The following PRKCE variants were observed in gnomAD, a reference collection of about 807,000 sequenced individuals.
PRKCE encodes protein kinase C epsilon type.
Under a neutral mutation model 85.4 loss-of-function variants are expected in PRKCE, and 16 were observed. The ratio of observed to expected loss-of-function variants is 0.19; its 90% confidence interval spans 0.13 to 0.28. The LOEUF (loss-of-function observed/expected upper bound fraction) is 0.28. Among genes scored for constraint, PRKCE ranks in the 10% least tolerant of loss-of-function variants. The pLI is 1.00. For missense variants in PRKCE, 573 were observed against 975.2 expected (o/e 0.59, Z 5.49); for synonymous variants, 388 against 371.5 (o/e 1.04, Z -0.51).
At chr2:45,993,267 C>T (rs537836813) in intron 6 of PRKCE, among the ~76,000 whole-genome samples, 1 of 152,354 alleles carries the variant, frequency 6.6e-6, no homozygotes, top group Middle Eastern at 3.4e-3. Context: ...CCCAGTGACA[C>T]CTGCAGCCTC....
chr2:46,006,608 A>G (rs1350774024), intron 8 of PRKCE, among the ~76,000 whole-genome samples: 1 of 152,244 alleles, frequency 6.6e-6, no homozygotes, highest in East Asian at 1.9e-4. Flanking sequence ...GCATCATTTA[A>G]AATCGGATTT....
intron 2 of PRKCE, among the ~76,000 whole-genome samples, chr2:45,975,512 A>G (rs376110322): frequency 1.3e-5 from 2 of 152,192 alleles, no homozygotes; most frequent in South Asian, 2.1e-4. Flanking sequence ...TAATCCCATC[A>G]TGGAGGCTCA....
At position 45,730,846 on chromosome 2, in the gene PRKCE, A is replaced by G. The variant is rs376890284; in HGVS notation, c.348+78398A>G. Among the ~76,000 whole-genome samples the G allele has an allele frequency of 3.2e-4, 48 of 152,332 alleles. No homozygotes were observed. In the East Asian group the frequency reaches 7.7e-3, roughly 24 times the overall value. On this transcript the variant is annotated intron_variant, in intron 1 of 14. Transcript: ENST00000306156. ...CTCCCAAGGAAATTTCCATTAAAAA[A>G]TTAATTTTGTGTGTCTGCCCGACAG... is the stretch of plus-strand genomic sequence containing the variant.
chr2:46,064,047 C>T (rs1174871854), intron 10 of PRKCE, among the ~76,000 whole-genome samples: 7 of 151,900 alleles, frequency 4.6e-5, no homozygotes, highest in Admixed American at 3.9e-4. Context: ...TTTGGGAGGC[C>T]GAGGTGGGCG....
rs1468019532 is a variant in PRKCE at position 46,004,888 on chromosome 2, TATG to T, written c.1063+254_1063+256del. Among the ~76,000 whole-genome samples the T allele has an allele frequency of 6.6e-6, 1 of 152,066 alleles. No homozygotes were observed. The highest frequency in any genetic ancestry group is 1.5e-5 in the Non-Finnish European group (1 of 68,018). Reference sequence around the variant, plus strand: ...GGCCAGGGTAAGAGGAGAGCGAGTGTATGATGTTATGGTTATCTGTTTTCCCTT... The same window carrying T: ...GGCCAGGGTAAGAGGAGAGCGAGTGTATGTTATGGTTATCTGTTTTCCCTT... On this transcript the variant is annotated intron_variant, in intron 8 of 14. Transcript: ENST00000306156. This position sits in a 1 kb window ranked among gnomAD's most constrained non-coding sequence, Gnocchi z 4.1.
Position 45,893,057 on chromosome 2 carries a change from C to T in PRKCE, c.412+49994C>T, listed in dbSNP as rs1695855418. Among the ~76,000 whole-genome samples the T allele has an allele frequency of 2.0e-5, 3 of 152,190 alleles. No individual in the cohort carries two copies. In the South Asian group the frequency reaches 6.2e-4, roughly 32 times the overall value. On this transcript the variant is annotated intron_variant, in intron 2 of 14. Coordinates refer to ENST00000306156, the MANE Select transcript of PRKCE (RefSeq NM_005400.3). ...AAAGGGGCTCTCCAAGATGGGCTGA[C>T]TGTTTGCGACCCTCACAGAACCCTG...
intron 10 of PRKCE, among the ~76,000 whole-genome samples, chr2:46,038,481 C>T (rs1708013598): frequency 6.6e-6 from 1 of 152,138 alleles, no homozygotes; most frequent in South Asian, 2.1e-4. Flanking sequence ...CAAACTACTG[C>T]TAGCTCCCAA....
At chr2:45,680,869 T>C (rs1231609165) in intron 1 of PRKCE, among the ~76,000 whole-genome samples, 1 of 152,226 alleles carries the variant, frequency 6.6e-6, no homozygotes, top group African/African-American at 2.4e-5. Flanking sequence ...TTATACAGGA[T>C]ATTTGCTCTT....
chr2:45,919,816 G>A (rs757118809), intron 2 of PRKCE, among the ~76,000 whole-genome samples: 6 of 152,244 alleles, frequency 3.9e-5, no homozygotes, highest in Non-Finnish European at 8.8e-5. Flanking sequence ...GAAAGCAGAA[G>A]GAAATAAACA....
At chr2:45,676,311 T>G (rs1372837773) in intron 1 of PRKCE, 1 of 152,242 alleles carries the variant, frequency 6.6e-6, no homozygotes, top group African/African-American at 2.4e-5. Context: ...ATTTGCCTCA[T>G]AATGCAAGTA....
At chr2:46,130,422 CATAGAT>C (rs1574550012) in intron 11 of PRKCE, among the ~76,000 whole-genome samples, 1 of 151,972 alleles carries the variant, frequency 6.6e-6, no homozygotes, top group African/African-American at 2.4e-5. Flanking sequence ...TATAACATGA[CATAGAT>C]ATATAGAAAC....
At chr2:46,164,024 G>C (rs1446576014) in intron 14 of PRKCE, among the ~76,000 whole-genome samples, 1 of 152,206 alleles carries the variant, frequency 6.6e-6, no homozygotes, top group Non-Finnish European at 1.5e-5. Flanking sequence ...TCAGGGGGCA[G>C]ATTGCCATCA....
At chr2:46,156,510 A>G (rs1677217019) in intron 13 of PRKCE, among the ~76,000 whole-genome samples, 1 of 152,236 alleles carries the variant, frequency 6.6e-6, no homozygotes, top group Admixed American at 6.5e-5. Context: ...ATGGAGACTC[A>G]TGTGTGTGCA....
intron 12 of PRKCE, among the ~76,000 whole-genome samples, chr2:46,147,511 T>A (rs1676189489): frequency 6.6e-6 from 1 of 152,244 alleles, no homozygotes; most frequent in Admixed American, 6.5e-5. Flanking sequence ...AGACTCACAA[T>A]GAACAACTCT....
intron 11 of PRKCE, among the ~76,000 whole-genome samples, chr2:46,130,134 T>G (rs1034807938): frequency 1.3e-5 from 2 of 152,354 alleles, no homozygotes; most frequent in East Asian, 1.9e-4. Flanking sequence ...TTTTTGTGGT[T>G]GTTTTCATTT....
At chr2:45,754,505 C>T (rs529233124) in intron 1 of PRKCE, among the ~76,000 whole-genome samples, 4 of 152,242 alleles carry the variant, frequency 2.6e-5, no homozygotes, top group East Asian at 3.9e-4. Context: ...GCCTTCATTG[C>T]GGCTCTATGG....
chr2:45,779,381 A>G (rs1194232356), intron 1 of PRKCE, among the ~76,000 whole-genome samples: 3 of 152,164 alleles, frequency 2.0e-5, no homozygotes, highest in Non-Finnish European at 4.4e-5. Context: ...ATGAAGGCAC[A>G]GAGGCGGCGC....
chr2:45,692,804 C>T (rs950682045), intron 1 of PRKCE, among the ~76,000 whole-genome samples: 2 of 152,054 alleles, frequency 1.3e-5, no homozygotes, highest in Non-Finnish European at 2.9e-5. Context: ...GATGTAGAAT[C>T]GGTCCATTCT....
In PRKCE at chr2:45,775,851, G is replaced by A. The variant is rs137898013; in HGVS notation, c.349-67149G>A. On this transcript the variant is annotated intron_variant, in intron 1 of 14. Transcript: ENST00000306156. ...GTCTGTACCCCACCCCTGCTTCTCC[G>A]GCCTCATTGTGCATTTTTCTCTCCC... Among the ~76,000 whole-genome samples, 18 of 152,080 alleles carry A rather than the reference G, an allele frequency of 1.2e-4. No individual in the cohort carries two copies. The East Asian group carries it at 3.1e-3, about 26-fold the overall frequency.
Sources: gnomAD v4.1 joint callset for allele counts (sites outside exome capture counted in the v4.1 genomes callset) on GRCh38, gnomAD v4.1.1 for gene constraint, Gnocchi (gnomAD v3.1) non-coding constraint, MANE v1.5 for transcripts, NCBI Gene and HGNC (gene_info 2026-07-23, HGNC 2026-07-21) for gene names.